The following OR9Q1 variants were observed in gnomAD, a reference collection of about 807,000 sequenced individuals.
OR9Q1 encodes olfactory receptor 9Q1.
For missense variants in OR9Q1, 374 were observed against 378.8 expected, an observed-to-expected ratio of 0.99 and a Z score of 0.11; for synonymous variants, 153 against 148.6, an observed-to-expected ratio of 1.03 and a Z score of -0.22.
intron 2 of OR9Q1, among the ~76,000 whole-genome samples, chr11:58,090,515 AGCTTTTTGATGT>A (rs1853674119): frequency 6.6e-6 from 1 of 152,156 alleles, no homozygotes. Context: ...GTGGTGGATA[AGCTTTTTGATGT>A]GCTGCTGGAT....
intron 2 of OR9Q1, among the ~76,000 whole-genome samples, chr11:58,100,849 AT>A (rs1008255653): frequency 3.3e-5 from 5 of 152,194 alleles, no homozygotes; most frequent in African/African-American, 1.2e-4. Flanking sequence ...AAAGAATGAA[AT>A]TTTTTCATTT....
intron 1 of OR9Q1, among the ~76,000 whole-genome samples, chr11:58,036,913 T>G (rs1186790792): frequency 6.6e-6 from 1 of 152,200 alleles, no homozygotes; most frequent in Non-Finnish European, 1.5e-5. Context: ...TTTAGAATAT[T>G]CCATAAACTT....
chr11:58,107,093 TAATG>T (rs1227850481), intron 2 of OR9Q1, among the ~76,000 whole-genome samples: 2 of 151,490 alleles, frequency 1.3e-5, no homozygotes, highest in Admixed American at 6.6e-5. Flanking sequence ...GTTTTCCAAT[TAATG>T]AATGTGGGAT....
intron 2 of OR9Q1, among the ~76,000 whole-genome samples, chr11:58,061,663 C>T (rs1415699011): frequency 1.3e-5 from 2 of 152,160 alleles, no homozygotes; most frequent in African/African-American, 2.4e-5. Context: ...TGAGGTGGGT[C>T]CTTTGATTTT....
At chr11:58,091,537 A>G (rs1313958204) in intron 2 of OR9Q1, among the ~76,000 whole-genome samples, 1 of 152,246 alleles carries the variant, frequency 6.6e-6, no homozygotes, top group East Asian at 1.9e-4. Context: ...GCACTTTTGC[A>G]TTTACTGAGG....
intron 2 of OR9Q1, among the ~76,000 whole-genome samples, chr11:58,061,558 T>G (rs1206011121): frequency 6.6e-6 from 1 of 152,222 alleles, no homozygotes; most frequent in Non-Finnish European, 1.5e-5. Context: ...GATCCAGGTT[T>G]GCTGACTGTC....
At chr11:58,047,116 T>C (rs1197387857) in intron 1 of OR9Q1, 1 of 152,236 alleles carries the variant, frequency 6.6e-6, no homozygotes, top group Non-Finnish European at 1.5e-5. Context: ...TTAGTTATCT[T>C]TGCCTTTAGC....
At chr11:58,105,600 A>C (rs1253334884) in intron 2 of OR9Q1, among the ~76,000 whole-genome samples, 1 of 152,076 alleles carries the variant, frequency 6.6e-6, no homozygotes, top group Non-Finnish European at 1.5e-5. Context: ...TCTGGGACTT[A>C]TTCATCTTTT....
At chr11:58,178,453 C>T (rs1224058972) in intron 2 of OR9Q1, among the ~76,000 whole-genome samples, 1 of 152,018 alleles carries the variant, frequency 6.6e-6, no homozygotes, top group East Asian at 1.9e-4. Flanking sequence ...TCACTCTGAC[C>T]ACAGTGAGGA....
intron 2 of OR9Q1, among the ~76,000 whole-genome samples, chr11:58,057,151 C>A (rs58499108): frequency 7.9e-4 from 120 of 152,024 alleles, no homozygotes; most frequent in African/African-American, 2.8e-3. Context: ...CGCCATTACA[C>A]CTGGTTAATT....
chr11:58,162,094 A>G (rs891846839), intron 2 of OR9Q1, among the ~76,000 whole-genome samples: 3 of 152,200 alleles, frequency 2.0e-5, no homozygotes, highest in Admixed American at 6.5e-5. Flanking sequence ...TTTGATTTAT[A>G]TTTTAGAGAA....
intron 2 of OR9Q1, among the ~76,000 whole-genome samples, chr11:58,114,716 G>T (rs1853934148): frequency 6.6e-6 from 1 of 152,166 alleles, no homozygotes; most frequent in Admixed American, 6.5e-5. Flanking sequence ...AGATCTATTA[G>T]ATTGGTGCAA....
chr11:58,052,784 C>T (rs1339742821), intron 1 of OR9Q1, among the ~76,000 whole-genome samples: 22 of 150,378 alleles, frequency 1.5e-4, no homozygotes, highest in Admixed American at 1.1e-3. Context: ...AAATAGTGGG[C>T]GAAGGACATG....
At chr11:58,037,647 G>T (rs1853113334) in intron 1 of OR9Q1, among the ~76,000 whole-genome samples, 1 of 78,980 alleles carries the variant, frequency 1.3e-5, no homozygotes, top group Non-Finnish European at 2.3e-5. Context: ...GCTTCTTAAA[G>T]AATAACTATA....
intron 2 of OR9Q1, chr11:58,109,747 G>A: frequency 2.7e-6 from 1 of 366,994 alleles, no homozygotes; most frequent in South Asian, 2.1e-5. Flanking sequence ...AGCGTCAGAT[G>A]TTAAGTAAAT....
At chr11:58,134,143 G>A (rs1854169432) in intron 2 of OR9Q1, among the ~76,000 whole-genome samples, 1 of 152,214 alleles carries the variant, frequency 6.6e-6, no homozygotes, top group Non-Finnish European at 1.5e-5. Flanking sequence ...TGATGTCCAT[G>A]CTCATGCTTT....
At chr11:58,103,621 T>C (rs1365965328) in intron 2 of OR9Q1, among the ~76,000 whole-genome samples, 4 of 152,226 alleles carry the variant, frequency 2.6e-5, no homozygotes, top group African/African-American at 4.8e-5. Context: ...GGGAAAATTA[T>C]TGTGTTCCTT....
chr11:58,141,183 C>T (rs1854245314), intron 2 of OR9Q1, among the ~76,000 whole-genome samples: 1 of 152,138 alleles, frequency 6.6e-6, no homozygotes, highest in South Asian at 2.1e-4. Flanking sequence ...ATTTGACTTC[C>T]TCTTTTCCTA....
chr11:58,119,428 A>G, intron 2 of OR9Q1: 1 of 1,607,462 alleles, frequency 6.2e-7, no homozygotes, highest in Non-Finnish European at 8.5e-7. Context: ...TACTCTGGTG[A>G]GATTATTCTT....
Sources: gnomAD v4.1 joint callset for allele counts (sites outside exome capture counted in the v4.1 genomes callset) on GRCh38, gnomAD v4.1.1 for gene constraint, MANE v1.5 for transcripts, NCBI Gene and HGNC (gene_info 2026-07-23, HGNC 2026-07-21) for gene names.